Variants in PCDH15 observed in about 807,000 individuals in gnomAD.
PCDH15 encodes the protein protocadherin related 15.
PCDH15 carries 129 observed loss-of-function variants against 178.5 expected under a neutral mutation model. The observed-to-expected ratio is 0.72, with a 90% confidence interval of 0.63 to 0.84. The LOEUF is 0.84. Among genes scored for constraint, PCDH15 ranks in the 40% least tolerant of loss-of-function variants. PCDH15 has a pLI of 0.00. For missense variants in PCDH15, 2,230 were observed against 2,099.9 expected, an observed-to-expected ratio of 1.06 and a Z score of -1.21; for synonymous variants, 800 against 732.0, an observed-to-expected ratio of 1.09 and a Z score of -1.50.
intron 2 of PCDH15, among the ~76,000 whole-genome samples, chr10:54,531,250 G>A (rs2083890721): frequency 1.3e-5 from 2 of 152,096 alleles, no homozygotes; most frequent in Non-Finnish European, 2.9e-5. Context: ...AAAGTTTCTA[G>A]CCTGTTAGGC....
At chr10:53,913,729 G>T (rs1018364323) in intron 25 of PCDH15, among the ~76,000 whole-genome samples, 1 of 151,176 alleles carries the variant, frequency 6.6e-6, no homozygotes. Flanking sequence ...GGATGACAGA[G>T]CGAGACTCTG....
rs895994892 is a variant in PCDH15, at chr10:54,317,357, T to C, written c.790A>G (p.Met264Val). 10 of 1,613,830 alleles carry C rather than the reference T, an allele frequency of 6.2e-6. No individual in the cohort carries two copies. Among genetic ancestry groups the C allele is most frequent in the Middle Eastern group, 1.6e-4 (1 of 6,084 alleles). The stretch of plus-strand genomic sequence containing the variant: ...GGCACAAGGACACAAGGAAGAAACA[T>C]TGGACCCAAGTCATCTCCATCCAGA... ...DVLDGDDLGP[M>V]FLPCVLVPNT... The change falls in exon 8 of 38, where the codon ATG becomes GTG. Residue 264 changes from methionine to valine, a missense_variant. Transcript: ENST00000644397.
At chr10:54,274,742 T>C (rs1381396334) in intron 8 of PCDH15, among the ~76,000 whole-genome samples, 1 of 151,824 alleles carries the variant, frequency 6.6e-6, no homozygotes, top group African/African-American at 2.4e-5. Flanking sequence ...TTTCATCATA[T>C]TGACAGATAA....
chr10:53,998,970 T>G (rs1030859453), intron 20 of PCDH15, among the ~76,000 whole-genome samples: 1 of 150,710 alleles, frequency 6.6e-6, no homozygotes, highest in African/African-American at 2.4e-5. Flanking sequence ...GGAGAATTCC[T>G]TGAACCCAGG....
intron 29 of PCDH15, among the ~76,000 whole-genome samples, chr10:53,838,347 A>T (rs182942877): frequency 7.8e-4 from 119 of 152,204 alleles, no homozygotes; most frequent in African/African-American, 2.7e-3. Context: ...ATTTTATTGA[A>T]TTTAGATGTT....
intron 2 of PCDH15, among the ~76,000 whole-genome samples, chr10:55,609,850 AT>A (rs1289963553): frequency 2.0e-5 from 3 of 152,118 alleles, no homozygotes; most frequent in African/African-American, 7.2e-5. Context: ...TAAAGATAAT[AT>A]TTAGAAAATA....
At chr10:54,120,832 A>G (rs986143896) in intron 15 of PCDH15, among the ~76,000 whole-genome samples, 3 of 152,156 alleles carry the variant, frequency 2.0e-5, no homozygotes, top group Non-Finnish European at 4.4e-5. Context: ...TTAGCCACAC[A>G]ATAACAGTGA....
intron 1 of PCDH15, among the ~76,000 whole-genome samples, chr10:54,717,976 T>C (rs1382686940): frequency 2.0e-5 from 3 of 146,422 alleles, no homozygotes; most frequent in African/African-American, 7.7e-5. Flanking sequence ...ACGGATGAAA[T>C]TGGAAATCAT....
intron 13 of PCDH15, among the ~76,000 whole-genome samples, chr10:54,167,281 G>A (rs865915927): frequency 6.8e-4 from 103 of 152,124 alleles, no homozygotes; most frequent in African/African-American, 2.4e-3. Flanking sequence ...TCAGGTAAGC[G>A]GCCTCTTCTT....
chr10:54,721,169 G>A (rs11004498), intron 1 of PCDH15, among the ~76,000 whole-genome samples: 18,514 of 151,884 alleles, frequency 0.12, 1,257 homozygotes, highest in African/African-American at 0.17. Flanking sequence ...GCAGAAATCA[G>A]GAAAGTTTTT....
chr10:54,354,954 T>A (rs997175290), intron 5 of PCDH15, among the ~76,000 whole-genome samples: 7 of 151,942 alleles, frequency 4.6e-5, no homozygotes, highest in African/African-American at 1.7e-4. Context: ...TCAAATTAGA[T>A]AGATTCAGAG....
chr10:54,813,920 A>G (rs1254323968), intron 3 of PCDH15, among the ~76,000 whole-genome samples: 1 of 152,106 alleles, frequency 6.6e-6, no homozygotes, highest in East Asian at 1.9e-4. Flanking sequence ...CCTCTTGTCT[A>G]CCTACATTTT....
At chr10:53,977,014 ATCT>A (rs2090238607) in intron 21 of PCDH15, among the ~76,000 whole-genome samples, 1 of 151,374 alleles carries the variant, frequency 6.6e-6, no homozygotes, top group East Asian at 1.9e-4. Context: ...TAACCAACTC[ATCT>A]TCTTTATCTG....
intron 7 of PCDH15, among the ~76,000 whole-genome samples, chr10:54,327,863 A>G (rs1802220999): frequency 6.6e-6 from 1 of 152,052 alleles, no homozygotes; most frequent in Non-Finnish European, 1.5e-5. Flanking sequence ...TTTATAGAAA[A>G]ATTGAGAGGA....
chr10:54,350,629 G>A (rs1944020723), intron 5 of PCDH15, among the ~76,000 whole-genome samples: 1 of 152,216 alleles, frequency 6.6e-6, no homozygotes, highest in Non-Finnish European at 1.5e-5. Flanking sequence ...TAATGAAGAG[G>A]CCTATGCCAG....
At chr10:55,613,613 T>A (rs947200178) in intron 2 of PCDH15, among the ~76,000 whole-genome samples, 2 of 152,190 alleles carry the variant, frequency 1.3e-5, no homozygotes, top group African/African-American at 4.8e-5. Flanking sequence ...ATGATCCCTA[T>A]TTCTTTTTCT....
intron 1 of PCDH15, among the ~76,000 whole-genome samples, chr10:54,688,327 G>C (rs1369531467): frequency 6.6e-6 from 1 of 151,792 alleles, no homozygotes; most frequent in Non-Finnish European, 1.5e-5. Context: ...CTTTAGACTT[G>C]GGCTAATCAT....
At chr10:55,377,878 T>TA (rs1454384056) in intron 2 of PCDH15, among the ~76,000 whole-genome samples, 5 of 151,944 alleles carry the variant, frequency 3.3e-5, no homozygotes, top group Admixed American at 3.3e-4. Context: ...TATGCAGCCA[T>TA]AAAAAATAAT....
chr10:54,032,510 TATC>T (rs1019489784), intron 18 of PCDH15, among the ~76,000 whole-genome samples: 70 of 152,126 alleles, frequency 4.6e-4, no homozygotes, highest in African/African-American at 1.6e-3. Flanking sequence ...TTCAATTACA[TATC>T]ATTCCCACCC....
Sources: allele counts gnomAD v4.1 joint callset (sites outside exome capture counted in the v4.1 genomes callset), GRCh38; gene constraint gnomAD v4.1.1; transcripts MANE v1.5; gene names NCBI Gene and HGNC (gene_info 2026-07-23, HGNC 2026-07-21).